The following JCHAIN variants were observed in gnomAD, a reference collection of about 807,000 sequenced individuals.
JCHAIN encodes immunoglobulin J chain.
Under a neutral mutation model 11.1 loss-of-function variants are expected in JCHAIN, and 5 were observed. That is an observed-to-expected ratio of 0.45 (90% CI 0.24 to 0.95). The LOEUF is 0.95. JCHAIN is among the 40% of genes least tolerant of loss of function. The pLI is 0.21. For synonymous variants in JCHAIN, 51 were observed against 67.8 expected, an observed-to-expected ratio of 0.75 and a Z score of 1.22; for missense variants, 165 against 192.7, an observed-to-expected ratio of 0.86 and a Z score of 0.85.
In JCHAIN at chr4:70,666,422, C is replaced by T; in HGVS notation, c.64+5G>A. 1.3e-6 allele frequency: 2 copies of T among 1,596,448 alleles called. No individual in the cohort carries two copies. Among genetic ancestry groups the T allele is most frequent in the Non-Finnish European group, 1.7e-6 (2 of 1,164,118 alleles). On this transcript the variant is annotated splice_donor_5th_base_variant and intron_variant, in intron 1 of 3. Coordinates refer to ENST00000254801, the MANE Select transcript of JCHAIN (RefSeq NM_144646.4). ...ATCTGGGATCATTTTCTAAATATCACATACCTTTCACATGAACAGCCTTAA... is the reference window on the plus strand; with the variant it reads ...ATCTGGGATCATTTTCTAAATATCATATACCTTTCACATGAACAGCCTTAA...
chr4:70,665,564 T>TATTTTCA (rs2148529630), intron 1 of JCHAIN, among the ~76,000 whole-genome samples: 2 of 152,208 alleles, frequency 1.3e-5, no homozygotes, highest in East Asian at 3.9e-4. Context: ...GAAAGTATGA[T>TATTTTCA]ATTTTCAACT....
intron 2 of JCHAIN, among the ~76,000 whole-genome samples, chr4:70,660,378 A>AT (rs11290121): frequency 0.08 from 10,750 of 134,168 alleles, 518 homozygotes; most frequent in Middle Eastern, 0.086. Context: ...GCAGTGCTGA[A>AT]TTTTTTTTTT....
intron 2 of JCHAIN, among the ~76,000 whole-genome samples, chr4:70,660,678 C>T (rs1430826899): frequency 6.6e-6 from 1 of 152,114 alleles, no homozygotes; most frequent in Non-Finnish European, 1.5e-5. Flanking sequence ...GCCACCGTGC[C>T]CAGCCCCAGT....
At chr4:70,660,817 A>G (rs1739040285) in intron 2 of JCHAIN, among the ~76,000 whole-genome samples, 1 of 152,226 alleles carries the variant, frequency 6.6e-6, no homozygotes, top group Non-Finnish European at 1.5e-5. Flanking sequence ...GGAAACCATC[A>G]CAAGACTTTT....
intron 1 of JCHAIN, 72 bp downstream of exon 1, chr4:70,666,355 G>A (rs1739154431): frequency 1.8e-6 from 2 of 1,110,096 alleles, no homozygotes; most frequent in Admixed American, 3.8e-5. Context: ...AGGCATAAAT[G>A]TTTAAAACTG....
intron 2 of JCHAIN, among the ~76,000 whole-genome samples, chr4:70,659,318 G>A (rs987220480): frequency 2.6e-5 from 4 of 151,874 alleles, no homozygotes; most frequent in African/African-American, 9.7e-5. Flanking sequence ...GGGAGGCTGA[G>A]GCAGGTGGAT....
Position 70,656,315 on chromosome 4 carries a change from A to G in JCHAIN, c.*14T>C. The G allele has an allele frequency of 1.9e-6, 3 of 1,583,574 alleles. No individual in the cohort carries two copies. Among genetic ancestry groups the G allele is most frequent in the Non-Finnish European group, 2.6e-6 (3 of 1,152,366 alleles). Reference sequence around the variant, plus strand: ...TCTCAAGAAAAAGAGCTATGCAGTCAGCAATGACTTAAATTAGTCAGGATA... The same window carrying G: ...TCTCAAGAAAAAGAGCTATGCAGTCGGCAATGACTTAAATTAGTCAGGATA... On this transcript the variant is annotated 3_prime_UTR_variant, in exon 4 of 4. Transcript: ENST00000254801.
At chr4:70,658,551 T>C (rs763337438) in intron 2 of JCHAIN, among the ~76,000 whole-genome samples, 20 of 152,166 alleles carry the variant, frequency 1.3e-4, no homozygotes, top group Non-Finnish European at 2.8e-4. Flanking sequence ...TTCTAACATA[T>C]AATACTGGTT....
chr4:70,666,433 C>T lies in JCHAIN; in HGVS notation c.58G>A (p.Val20Met). 3 of 1,606,294 alleles carry T rather than the reference C, an allele frequency of 1.9e-6. No individual in the cohort carries two copies. Among genetic ancestry groups the T allele is most frequent in the South Asian group, 1.1e-5 (1 of 90,898 alleles). ...VLAVFIKAVH[V>M]KAQEDERIVL... ...TTTTCTAAATATCACATACCTTTCA[C>T]ATGAACAGCCTTAATAAAAACCGCC... Residue 20 changes from valine to methionine, a missense_variant, in exon 1 of 4, where the codon GTG becomes ATG. Physicochemically the swap from Val to Met is conservative, Grantham distance 21 (BLOSUM62 1). Coordinates refer to ENST00000254801, the MANE Select transcript of JCHAIN (RefSeq NM_144646.4).
At chr4:70,660,466 C>T (rs1265892649) in intron 2 of JCHAIN, among the ~76,000 whole-genome samples, 1 of 151,346 alleles carries the variant, frequency 6.6e-6, no homozygotes, top group Non-Finnish European at 1.5e-5. Flanking sequence ...TGACTGCAAC[C>T]TCCGCCTTCC....
At chr4:70,657,461 T>C (rs1449601646) in intron 2 of JCHAIN, among the ~76,000 whole-genome samples, 170 bp from the exon 3 acceptor site, 1 of 152,200 alleles carries the variant, frequency 6.6e-6, no homozygotes, top group Non-Finnish European at 1.5e-5. Context: ...ACTTGCTATA[T>C]TTTAAATATT....
At chr4:70,661,464 T>C (rs1739056922) in intron 2 of JCHAIN, among the ~76,000 whole-genome samples, 1 of 152,202 alleles carries the variant, frequency 6.6e-6, no homozygotes, top group Non-Finnish European at 1.5e-5. Context: ...CAGTTTGAAC[T>C]GATCAAAGGC....
At chr4:70,660,463 A>G (rs961676924) in intron 2 of JCHAIN, among the ~76,000 whole-genome samples, 11 of 149,400 alleles carry the variant, frequency 7.4e-5, no homozygotes, top group Non-Finnish European at 1.5e-4. Context: ...GGCTGACTGC[A>G]ACCTCCGCCT....
intron 2 of JCHAIN, among the ~76,000 whole-genome samples, chr4:70,660,154 TA>T (rs976821546): frequency 2.6e-5 from 4 of 152,108 alleles, no homozygotes; most frequent in Non-Finnish European, 4.4e-5. Context: ...TCTTTCCAAT[TA>T]CCCACTACTC....
At chr4:70,660,007 A>G (rs1400592194) in intron 2 of JCHAIN, among the ~76,000 whole-genome samples, 3 of 152,212 alleles carry the variant, frequency 2.0e-5, no homozygotes, top group Non-Finnish European at 4.4e-5. Context: ...TAAACAATGT[A>G]ATATAAAAAG....
intron 2 of JCHAIN, among the ~76,000 whole-genome samples, chr4:70,659,966 G>A (rs925038821): frequency 1.3e-5 from 2 of 152,094 alleles, no homozygotes; most frequent in Non-Finnish European, 2.9e-5. Context: ...CAGGCAAAGT[G>A]TCATGAAATA....
chr4:70,665,938 A>G, intron 1 of JCHAIN: 2 of 301,234 alleles, frequency 6.6e-6, no homozygotes, highest in South Asian at 2.8e-5. Flanking sequence ...TCAGTCATCA[A>G]TTTATAGGCA....
chr4:70,660,490 TCTC>T lies in JCHAIN; in HGVS notation c.188+1599_188+1601del, dbSNP rs796998754. On this transcript the variant is annotated intron_variant, in intron 2 of 3. Transcript: ENST00000254801. ...CCTCCGCCTTCCGGGTTCAAGTGAT[TCTC>T]CTGCTTCAGCCTCCCGAGTAGCTGG... 1.4e-4 allele frequency among the ~76,000 whole-genome samples: 22 copies of T among 151,960 alleles called. 1 individual carries two copies. The highest frequency in any genetic ancestry group is 5.3e-4 in the African/African-American group (22 of 41,392).
chr4:70,664,532 C>G (rs1259211209), intron 1 of JCHAIN, among the ~76,000 whole-genome samples: 2 of 152,056 alleles, frequency 1.3e-5, no homozygotes, highest in African/African-American at 4.8e-5. Context: ...GTTTGAAGTA[C>G]TTTATAATGC....
Sources: gnomAD v4.1 joint callset for allele counts (sites outside exome capture counted in the v4.1 genomes callset) on GRCh38, gnomAD v4.1.1 for gene constraint, MANE v1.5 for transcripts, NCBI Gene and HGNC (gene_info 2026-07-23, HGNC 2026-07-21) for gene names.